ACSL4: variants seen among roughly 807,000 people sequenced by gnomAD.
The protein encoded by ACSL4 is long-chain-fatty-acid--CoA ligase 4.
A neutral mutation model predicts 49.1 loss-of-function variants in ACSL4; 9 were observed. The observed-to-expected ratio is 0.18, with a 90% CI of 0.11 to 0.32. The LOEUF (loss-of-function observed/expected upper bound fraction) is 0.32. ACSL4 is among the 10% of genes least tolerant of loss of function. The pLI is 1.00. For synonymous variants in ACSL4, 191 were observed against 170.3 expected (o/e 1.12, Z -0.95); for missense variants, 333 against 493.7 (o/e 0.67, Z 3.08).
chrX:109,721,107 T>C (rs1927515696), intron 1 of ACSL4, among the ~76,000 whole-genome samples: 2 of 112,595 alleles, frequency 1.8e-5, no homozygotes, highest in African/African-American at 3.2e-5. Context: ...GATCTTTTAC[T>C]TGGATTCATC....
intron 1 of ACSL4, among the ~76,000 whole-genome samples, chrX:109,705,347 A>T (rs955179948): frequency 8.9e-6 from 1 of 112,035 alleles, no homozygotes; most frequent in African/African-American, 3.2e-5. Context: ...TTGTTCTGCT[A>T]CCAGTGACAG....
intron 6 of ACSL4, among the ~76,000 whole-genome samples, chrX:109,678,717 C>T (rs1325876774): frequency 8.9e-6 from 1 of 111,950 alleles, no homozygotes; most frequent in Admixed American, 9.4e-5. Context: ...GCAGTCCTTG[C>T]TACTCAAGAA....
Position 109,674,414 on chromosome X carries a change from C to G in ACSL4, c.990G>C (p.Met330Ile), listed in dbSNP as rs2147425897. ...ATTCTGTACTCACCGGAACAGCAGC[C>G]ATAAGTGTGGGCTTCAGTACAGTAC... The part of the protein sequence containing the change: ...GDCTVLKPTL[M>I]AAVPEIMDRI... Residue 330 changes from methionine to isoleucine, a missense_variant, in exon 9 of 16, where the codon ATG (methionine) becomes ATC (isoleucine). Around this residue, in one of 3 missense-constraint regions of ACSL4, gnomAD observed 175 missense variants for 275.8 expected, o/e 0.63. Coordinates refer to ENST00000672401, the MANE Select transcript of ACSL4 (RefSeq NM_001318510.2). 8.3e-7 allele frequency: 1 copy of G among 1,205,386 alleles called. No individual in the cohort carries two copies.
chrX:109,714,721 T>G (rs537221522), intron 1 of ACSL4, among the ~76,000 whole-genome samples: 1 of 112,191 alleles, frequency 8.9e-6, no homozygotes, highest in Admixed American at 9.4e-5. Context: ...GCTGTACAGG[T>G]TTGTAGCCTA....
intron 15 of ACSL4, among the ~76,000 whole-genome samples, chrX:109,645,792 T>C (rs996439448): frequency 2.2e-4 from 25 of 111,622 alleles, no homozygotes; most frequent in African/African-American, 7.8e-4. Flanking sequence ...TAGAAGAATG[T>C]ATAACTAGAA....
intron 12 of ACSL4, among the ~76,000 whole-genome samples, chrX:109,665,121 A>C (rs926458884): frequency 9.0e-6 from 1 of 111,619 alleles, no homozygotes; most frequent in South Asian, 3.7e-4. Context: ...TCTCACTAGT[A>C]AAGTCAAGTT....
At chrX:109,724,287 G>C (rs971411210) in intron 1 of ACSL4, among the ~76,000 whole-genome samples, 1 of 110,104 alleles carries the variant, frequency 9.1e-6, no homozygotes, top group Non-Finnish European at 1.9e-5. Context: ...TTTTTTGTTT[G>C]TTTCTGAGAC....
chrX:109,697,871 A>C (rs1033501243), intron 1 of ACSL4, among the ~76,000 whole-genome samples: 11 of 110,411 alleles, frequency 1.0e-4, no homozygotes, highest in Admixed American at 3.9e-4. Flanking sequence ...AAAAAAAAAA[A>C]CCCATCCTTC....
chrX:109,663,075 A>G (rs1195965114), intron 13 of ACSL4, 136 bp downstream of exon 13: 1 of 546,748 alleles, frequency 1.8e-6, no homozygotes, highest in African/African-American at 2.4e-5. Flanking sequence ...GGAGAAGCTC[A>G]TACATAAGTT....
At chrX:109,730,795 T>A (rs1336099687) in intron 1 of ACSL4, among the ~76,000 whole-genome samples, 1 of 111,940 alleles carries the variant, frequency 8.9e-6, no homozygotes. Context: ...GCCTCCCAAG[T>A]AGCTGGGACT....
intron 15 of ACSL4, among the ~76,000 whole-genome samples, chrX:109,646,901 C>A (rs1051735276): frequency 9.0e-6 from 1 of 111,263 alleles, no homozygotes; most frequent in African/African-American, 3.3e-5. Flanking sequence ...GACTTTAAAC[C>A]AACAAAGATC....
At chrX:109,692,082 G>T (rs1291254998) in intron 2 of ACSL4, 1 of 111,659 alleles carries the variant, frequency 9.0e-6, no homozygotes, top group Admixed American at 9.6e-5. Flanking sequence ...CAGTCTCTTT[G>T]CAGCTTTTCC....
chrX:109,717,240 A>G (rs1284247978), intron 1 of ACSL4, among the ~76,000 whole-genome samples: 1 of 110,979 alleles, frequency 9.0e-6, no homozygotes, highest in African/African-American at 3.3e-5. Flanking sequence ...CACACCTGTA[A>G]TCTCAGCACT....
At chrX:109,669,471 G>A (rs1049070054) in intron 9 of ACSL4, among the ~76,000 whole-genome samples, 1 of 107,148 alleles carries the variant, frequency 9.3e-6, no homozygotes, top group Non-Finnish European at 1.9e-5. Context: ...TCGGCTCACT[G>A]CAAGCTCCAC....
At chrX:109,725,185 A>G (rs1603412689) in intron 1 of ACSL4, among the ~76,000 whole-genome samples, 2 of 109,789 alleles carry the variant, frequency 1.8e-5, no homozygotes, top group Non-Finnish European at 3.8e-5. Flanking sequence ...GCCTCAAGCA[A>G]TCCTCCTGTC....
At chrX:109,681,429 G>A in intron 4 of ACSL4, 54 bp from the exon 5 acceptor site, 1 of 839,910 alleles carries the variant, frequency 1.2e-6, no homozygotes, top group Non-Finnish European at 1.8e-6. Flanking sequence ...ATTAGAAATG[G>A]ATATTATTGA....
At chrX:109,710,715 A>AT (rs1043571824) in intron 1 of ACSL4, among the ~76,000 whole-genome samples, 74 of 111,020 alleles carry the variant, frequency 6.7e-4, no homozygotes, top group Non-Finnish European at 1.0e-3. Flanking sequence ...TTAATTTTTA[A>AT]TTTTTTTTGT....
intron 4 of ACSL4, among the ~76,000 whole-genome samples, 193 bp from the exon 5 acceptor site, chrX:109,681,568 A>T (rs758270776): frequency 1.3e-4 from 14 of 111,943 alleles, no homozygotes; most frequent in African/African-American, 4.2e-4. Flanking sequence ...TTTTCCTTAC[A>T]AATTCCCAGA....
intron 15 of ACSL4, among the ~76,000 whole-genome samples, chrX:109,654,005 C>T (rs1444458689): frequency 9.2e-6 from 1 of 108,780 alleles, no homozygotes; most frequent in East Asian, 2.8e-4. Context: ...TATATATTCT[C>T]TTTGACTCAG....
Sources: gnomAD v4.1 joint callset for allele counts (sites outside exome capture counted in the v4.1 genomes callset) on GRCh38, gnomAD v4.1.1 for gene constraint, gnomAD v4.1.1 regional missense constraint, MANE v1.5 for transcripts, NCBI Gene and HGNC (gene_info 2026-07-23, HGNC 2026-07-21) for gene names.